The following MORN4 variants were observed in gnomAD, a reference collection of about 807,000 sequenced individuals.
MORN4 encodes the protein MORN repeat-containing protein 4.
Under a neutral mutation model 16.4 loss-of-function variants are expected in MORN4, and 8 were observed. The ratio of observed to expected loss-of-function variants is 0.49; its 90% CI spans 0.29 to 0.88. The LOEUF (loss-of-function observed/expected upper bound fraction) is 0.88, where lower values mean the gene tolerates loss of function less well. Ranked by LOEUF, MORN4 falls within the 40% of genes least tolerant of loss-of-function variation. MORN4 has a pLI of 0.09. For missense variants in MORN4, 159 were observed against 182.9 expected, an observed-to-expected ratio of 0.87 and a Z score of 0.75; for synonymous variants, 53 against 68.9, an observed-to-expected ratio of 0.77 and a Z score of 1.14.
chr10:97,624,410 T>C (rs994692930), intron 1 of MORN4, among the ~76,000 whole-genome samples: 2 of 152,044 alleles, frequency 1.3e-5, no homozygotes, highest in South Asian at 4.2e-4. Context: ...CCATCAGTGT[T>C]GTTTATTTGT....
chr10:97,623,623 G>A (rs2041323218), intron 1 of MORN4, among the ~76,000 whole-genome samples: 1 of 152,040 alleles, frequency 6.6e-6, no homozygotes, highest in Admixed American at 6.6e-5. Flanking sequence ...ACCCAGGCTG[G>A]ACTTGAACTC....
intron 1 of MORN4, among the ~76,000 whole-genome samples, chr10:97,632,715 T>A (rs982929615): frequency 6.6e-6 from 1 of 151,970 alleles, no homozygotes; most frequent in Non-Finnish European, 1.5e-5. Context: ...TTTTTTTTTT[T>A]TTTATTTAAA....
chr10:97,617,104 G>A (rs1408810772), intron 3 of MORN4, 104 bp downstream of exon 3: 2 of 879,378 alleles, frequency 2.3e-6, no homozygotes, highest in African/African-American at 1.7e-5. Context: ...GTGTTCTGCA[G>A]GGAGTGAGAC....
chr10:97,630,249 A>G (rs1474963319), intron 1 of MORN4, among the ~76,000 whole-genome samples: 4 of 151,528 alleles, frequency 2.6e-5, no homozygotes, highest in Non-Finnish European at 5.9e-5. Context: ...TTGTATTTTT[A>G]GTAGAGATGA....
chr10:97,618,076 G>A (rs576966291), intron 2 of MORN4, among the ~76,000 whole-genome samples: 3 of 151,974 alleles, frequency 2.0e-5, no homozygotes, highest in Non-Finnish European at 4.4e-5. Context: ...TACTCAGGAG[G>A]CTGAGGCAGG....
At position 97,616,247 on chromosome 10, in the gene MORN4, G is replaced by A; in HGVS notation, c.*16C>T. Reference sequence around the variant, plus strand: ...TGGCTTTACCCAATACTTATCAGCTGGTGCCCACTGCGCTGTCAGGCAGTG... The same window carrying A: ...TGGCTTTACCCAATACTTATCAGCTAGTGCCCACTGCGCTGTCAGGCAGTG... On this transcript the variant is annotated 3_prime_UTR_variant, in exon 5 of 5. Transcript: ENST00000307450. 1.3e-6 allele frequency: 2 copies of A among 1,557,320 alleles called. No individual in the cohort carries two copies. The highest frequency in any genetic ancestry group is 2.4e-5 in the South Asian group (2 of 82,506).
intron 2 of MORN4, 35 bp downstream of exon 2, chr10:97,619,552 G>A: frequency 6.8e-7 from 1 of 1,469,404 alleles, no homozygotes; most frequent in Non-Finnish European, 9.5e-7. Flanking sequence ...CAAATGAAGT[G>A]TTCATCATGG....
chr10:97,617,140 CCAGAGTCCCATTTTTCTGT>C, intron 3 of MORN4, 49 bp downstream of exon 3: 2 of 1,193,616 alleles, frequency 1.7e-6, no homozygotes, highest in South Asian at 2.4e-5. Context: ...CAGATATTTA[CCAGAGTCCCATTTTTCTGT>C]CAGACCCTCC....
chr10:97,619,289 C>T, intron 2 of MORN4: 1 of 498,102 alleles, frequency 2.0e-6, no homozygotes, highest in Admixed American at 3.4e-5. Flanking sequence ...TGCACCACTG[C>T]ACTCCAGCCT....
chr10:97,632,099 T>C (rs184589799), intron 1 of MORN4, among the ~76,000 whole-genome samples: 1 of 148,144 alleles, frequency 6.8e-6, no homozygotes, highest in East Asian at 2.0e-4. Flanking sequence ...ATTTCAGTAA[T>C]AAAGAAAGCA....
In MORN4 at chr10:97,616,392, A is replaced by ATGAAAAAAGTTC; in HGVS notation, c.311_312insGAACTTTTTTCA (p.Asp104delinsGluAsnPhePheHis). On this transcript the variant is annotated protein_altering_variant, in exon 5 of 5. Coordinates refer to ENST00000307450, the MANE Select transcript of MORN4 (RefSeq NM_178832.4). Reference sequence around the variant, plus strand: ...CATTGCGGGGGATTCCATGAGAACCATCAGGGAAAGTCAGCAGGCCTTTGA... The same window carrying ATGAAAAAAGTTC: ...CATTGCGGGGGATTCCATGAGAACCATGAAAAAAGTTCTCAGGGAAAGTCAGCAGGCCTTTGA... The ATGAAAAAAGTTC allele has an allele frequency of 6.2e-7, 1 of 1,607,140 alleles. No homozygotes were observed. The highest frequency in any genetic ancestry group is 8.5e-7 in the Non-Finnish European group (1 of 1,176,888).
Position 97,633,172 on chromosome 10 carries a change from G to A in MORN4, c.-31+175C>T, listed in dbSNP as rs1416117633. On this transcript the variant is annotated intron_variant, in intron 1 of 4. Transcript: ENST00000307450. The surrounding 1 kb of genome is among the most constrained non-coding windows in gnomAD (Gnocchi z 4.5). Reference sequence around the variant, plus strand: ...TCAGCTCTCCCGGGCCTCGACCCCCGCGGTGGAGACTAAAGGGTTCAGGTT... The same window carrying A: ...TCAGCTCTCCCGGGCCTCGACCCCCACGGTGGAGACTAAAGGGTTCAGGTT... 6.6e-6 allele frequency among the ~76,000 whole-genome samples: 1 copy of A among 152,028 alleles called. No homozygotes were observed. The highest frequency in any genetic ancestry group is 1.5e-5 in the Non-Finnish European group (1 of 68,014).
chr10:97,633,487 T>C lies in MORN4; in HGVS notation c.-171A>G, dbSNP rs1312214799. ...ATTGCCCCACTTGACGCCGCCATCC[T>C]GGGCGACCGCACTGGGTACAATTCC... is the stretch of plus-strand genomic sequence containing the variant. On this transcript the variant is annotated 5_prime_UTR_variant, in exon 1 of 5. Coordinates refer to ENST00000307450, the MANE Select transcript of MORN4 (RefSeq NM_178832.4). The surrounding 1 kb of genome is among the most constrained non-coding windows in gnomAD (Gnocchi z 4.5). The C allele has an allele frequency of 7.0e-6, 9 of 1,289,746 alleles. No homozygotes were observed. The highest frequency in any genetic ancestry group is 9.1e-6 in the Non-Finnish European group (9 of 988,874). The allele number at this position is 1,289,746 out of a possible 1,614,324, so 79.9% of individuals were successfully genotyped here. A position where few individuals can be genotyped will look rare whatever the true frequency, so the allele number is the denominator to read the frequency against.
Position 97,616,293 on chromosome 10 carries a change from G to A in MORN4, c.411C>T (p.Ala137=). ...CAGTGAGATTTCTGGCTGACTTGGA[G>A]GCGCTCTGGGCCCGCTGAACAATGG... ...CSAIVQRAQS[A]SKSARNLTA The change falls in exon 5 of 5, where the codon GCC becomes GCT. Residue 137 remains alanine (A), a synonymous_variant. Transcript: ENST00000307450. The A allele has an allele frequency of 6.2e-7, 1 of 1,608,568 alleles. No homozygotes were observed. The highest frequency in any genetic ancestry group is 8.5e-7 in the Non-Finnish European group (1 of 1,177,380).
chr10:97,630,988 C>T (rs576419417), intron 1 of MORN4, among the ~76,000 whole-genome samples: 1 of 152,118 alleles, frequency 6.6e-6, no homozygotes, highest in Non-Finnish European at 1.5e-5. Flanking sequence ...GTAGCTGGGA[C>T]TACAGGAGCA....
chr10:97,631,024 C>T (rs1369454762), intron 1 of MORN4, among the ~76,000 whole-genome samples: 2 of 152,138 alleles, frequency 1.3e-5, no homozygotes, highest in Non-Finnish European at 2.9e-5. Flanking sequence ...CTAATTTTTG[C>T]ATTTTTTGGT....
At chr10:97,626,063 T>C (rs1329090365) in intron 1 of MORN4, among the ~76,000 whole-genome samples, 1 of 138,248 alleles carries the variant, frequency 7.2e-6, no homozygotes, top group Non-Finnish European at 1.6e-5. Context: ...CCCAGCCTCA[T>C]GCCTTTTTTT....
intron 1 of MORN4, among the ~76,000 whole-genome samples, chr10:97,626,405 ATAATC>A (rs1388794411): frequency 2.7e-4 from 34 of 125,310 alleles, no homozygotes; most frequent in Admixed American, 1.5e-3. Context: ...AATCATAATC[ATAATC>A]ATAATCATAA....
At chr10:97,617,350 G>A in intron 2 of MORN4, 28 bp from the exon 3 acceptor site, 2 of 1,588,804 alleles carry the variant, frequency 1.3e-6, no homozygotes, top group Non-Finnish European at 1.7e-6. Flanking sequence ...TAGGTGTCAG[G>A]TTGGAAGGAG....
Sources: allele counts gnomAD v4.1 joint callset (sites outside exome capture counted in the v4.1 genomes callset), GRCh38; gene constraint gnomAD v4.1.1; non-coding constraint Gnocchi (gnomAD v3.1); transcripts MANE v1.5; gene names NCBI Gene and HGNC (gene_info 2026-07-23, HGNC 2026-07-21).